KRTAP5-7: variants seen among roughly 807,000 people sequenced by gnomAD.
KRTAP5-7 encodes keratin-associated protein 5-7.
Under a neutral mutation model 2.4 loss-of-function variants are expected in KRTAP5-7, and 1 was observed. The observed-to-expected ratio is 0.42, with a 90% CI of 0.15 to 2.01. The LOEUF (loss-of-function observed/expected upper bound fraction) is 2.01, where lower values mean the gene tolerates loss of function less well. Ranked by LOEUF, KRTAP5-7 falls within the 30% of genes most tolerant of loss-of-function variation. The pLI, the probability that KRTAP5-7 is intolerant of heterozygous loss-of-function variation, is 0.29. For missense variants in KRTAP5-7, 161 were observed against 200.8 expected (o/e 0.80, Z 1.20); for synonymous variants, 55 against 80.8 (o/e 0.68, Z 1.71).
At position 71,527,563 on chromosome 11, in the gene KRTAP5-7, G is replaced by T. The variant is rs770409796; in HGVS notation, c.263G>T (p.Gly88Val). The change falls in exon 1 of 1, where the codon GGT becomes GTT. Residue 88 changes from glycine to valine, a missense_variant. Transcript: ENST00000398536. ...GSCGGSKGGC[G>V]SCGCSQCSCY... ...TGTGGGGGTTCTAAGGGGGGCTGTG[G>T]TTCTTGTGGCTGCTCCCAGTGCAGC... 8 of 1,613,462 alleles carry T rather than the reference G, an allele frequency of 5.0e-6. No individual in the cohort carries two copies. Among genetic ancestry groups the T allele is most frequent in the African/African-American group, 2.7e-5 (2 of 74,722 alleles).
At position 71,527,348 on chromosome 11, in the gene KRTAP5-7, C is replaced by T. The variant is rs746401694; in HGVS notation, c.48C>T (p.Gly16=). 5.6e-6 allele frequency: 9 copies of T among 1,612,394 alleles called. No individual in the cohort carries two copies. Among genetic ancestry groups the T allele is most frequent in the Non-Finnish European group, 6.8e-6 (8 of 1,179,506 alleles). ...AAGGCTGTGGCTCCGGCTGTGGGGG[C>T]TGTGGCTCCGGCTGTGGGGGCTGTG... ...CSEGCGSGCG[G]CGSGCGGCGS... The change falls in exon 1 of 1, where the codon GGC becomes GGT. Residue 16 remains glycine (G), a synonymous_variant. Transcript: ENST00000398536.
Position 71,527,870 on chromosome 11 carries a change from T to C in KRTAP5-7, c.*72T>C. 6.2e-7 allele frequency: 1 copy of C among 1,605,204 alleles called. No homozygotes were observed. Among genetic ancestry groups the C allele is most frequent in the South Asian group, 1.1e-5 (1 of 89,390 alleles). ...GAAGCTGTGACCTGTCCTTCATCGT[T>C]GAGCCCCAAACCACTGCTCAGGGTC... On this transcript the variant is annotated 3_prime_UTR_variant, in exon 1 of 1. Coordinates refer to ENST00000398536, the MANE Select transcript of KRTAP5-7 (RefSeq NM_001012503.2).
chr11:71,527,863 T>G lies in KRTAP5-7; in HGVS notation c.*65T>G, dbSNP rs1445109656. The G allele has an allele frequency of 1.2e-6, 2 of 1,607,506 alleles. No individual in the cohort carries two copies. The highest frequency in any genetic ancestry group is 2.7e-5 in the African/African-American group (2 of 74,860). Reference sequence around the variant, plus strand: ...ATTTTCCGAAGCTGTGACCTGTCCTTCATCGTTGAGCCCCAAACCACTGCT... The same window carrying G: ...ATTTTCCGAAGCTGTGACCTGTCCTGCATCGTTGAGCCCCAAACCACTGCT... On this transcript the variant is annotated 3_prime_UTR_variant, in exon 1 of 1. Coordinates refer to ENST00000398536, the MANE Select transcript of KRTAP5-7 (RefSeq NM_001012503.2).
rs574518332 is a variant in KRTAP5-7 at position 71,527,455 on chromosome 11, G to A, written c.155G>A (p.Cys52Tyr). The change falls in exon 1 of 1, where the codon TGT (cysteine) becomes TAT (tyrosine). Residue 52 changes from cysteine to tyrosine, a missense_variant. Transcript: ENST00000398536. ...CKPVCCCVPA[C>Y]SCSSCGSCGG... Reference sequence around the variant, plus strand: ...CCCGTGTGCTGCTGTGTGCCAGCCTGTTCCTGCTCCAGCTGTGGCTCCTGT... The same window carrying A: ...CCCGTGTGCTGCTGTGTGCCAGCCTATTCCTGCTCCAGCTGTGGCTCCTGT... 1.3e-5 allele frequency: 21 copies of A among 1,612,240 alleles called. No individual in the cohort carries two copies. The South Asian group carries it at 1.4e-4, about 11-fold the overall frequency.
At position 71,527,368 on chromosome 11, in the gene KRTAP5-7, G is replaced by C. The variant is rs569361346; in HGVS notation, c.68G>C (p.Gly23Ala). ...GGGGGCTGTGGCTCCGGCTGTGGGG[G>C]CTGTGGCTCTGGCTGTGGGGGATGT... Reference protein sequence around the residue: ...GCGGCGSGCGGCGSGCGGCGS... With the variant: ...GCGGCGSGCGACGSGCGGCGS... Residue 23 changes from glycine to alanine, a missense_variant, in exon 1 of 1, where the codon GGC becomes GCC. By Grantham distance (60) the Gly-to-Ala change is moderately conservative. This residue lies in a region of KRTAP5-7 where 116 missense variants were observed against 113.7 expected (regional missense o/e 1.02). Transcript: ENST00000398536. 2.5e-5 allele frequency: 41 copies of C among 1,611,714 alleles called. No homozygotes were observed. The East Asian group carries it at 9.2e-4, about 36-fold the overall frequency.
In KRTAP5-7 at chr11:71,527,388, G is replaced by C. The variant is rs751838090; in HGVS notation, c.88G>C (p.Gly30Arg). The C allele has an allele frequency of 1.2e-6, 2 of 1,611,742 alleles. No individual in the cohort carries two copies. The highest frequency in any genetic ancestry group is 1.8e-4 in the Middle Eastern group (1 of 5,442). Residue 30 changes from glycine to arginine, a missense_variant, in exon 1 of 1, where the codon GGA becomes CGA. Physicochemically the swap from Gly to Arg is moderately radical, Grantham distance 125. Transcript: ENST00000398536. ...GCGGCGSGCGGCGSSCCVPVC... is the reference protein window; with the variant it reads ...GCGGCGSGCGRCGSSCCVPVC... The stretch of plus-strand genomic sequence containing the variant: ...TGGGGGCTGTGGCTCTGGCTGTGGG[G>C]GATGTGGCTCCAGCTGCTGTGTGCC...
chr11:71,528,009 C>CAGTTGACTT lies in KRTAP5-7; in HGVS notation c.*211_*212insAGTTGACTT. ...TCTCTTCCCAAGTCAACTGCAACTGCGGCTGAATCACCCCTCACCCGCTAG... is the reference window on the plus strand; with the variant it reads ...TCTCTTCCCAAGTCAACTGCAACTGCAGTTGACTTGGCTGAATCACCCCTCACCCGCTAG... On this transcript the variant is annotated 3_prime_UTR_variant, in exon 1 of 1. Coordinates refer to ENST00000398536, the MANE Select transcript of KRTAP5-7 (RefSeq NM_001012503.2). 2 of 977,080 alleles carry CAGTTGACTT rather than the reference C, an allele frequency of 2.0e-6. No individual in the cohort carries two copies. Among genetic ancestry groups the CAGTTGACTT allele is most frequent in the Non-Finnish European group, 3.0e-6 (2 of 665,592 alleles). 60.5% of individuals were successfully genotyped at this position (977,080 alleles called of 1,614,324 possible).
Position 71,527,317 on chromosome 11 carries a change from G to A in KRTAP5-7, c.17G>A (p.Cys6Tyr), listed in dbSNP as rs750448695. Residue 6 changes from cysteine to tyrosine, a missense_variant, in exon 1 of 1, where the codon TGT becomes TAT. This residue lies in a region of KRTAP5-7 where 116 missense variants were observed against 113.7 expected (regional missense o/e 1.02). Coordinates refer to ENST00000398536, the MANE Select transcript of KRTAP5-7 (RefSeq NM_001012503.2). Reference sequence around the variant, plus strand: ...ACCAGAACCATGGGCTGCTGTGGCTGTTCCGAAGGCTGTGGCTCCGGCTGT... The same window carrying A: ...ACCAGAACCATGGGCTGCTGTGGCTATTCCGAAGGCTGTGGCTCCGGCTGT... MGCCG[C>Y]SEGCGSGCGG... 1 of 1,613,496 alleles carries A rather than the reference G, an allele frequency of 6.2e-7. No individual in the cohort carries two copies. The highest frequency in any genetic ancestry group is 8.5e-7 in the Non-Finnish European group (1 of 1,180,038).
Position 71,527,981 on chromosome 11 carries a change from A to C in KRTAP5-7, c.*183A>C, listed in dbSNP as rs1400336544. The C allele has an allele frequency of 5.0e-5, 60 of 1,200,180 alleles. No homozygotes were observed. Among genetic ancestry groups the C allele is most frequent in the Non-Finnish European group, 7.0e-5 (60 of 860,182 alleles). The allele number at this position is 1,200,180 out of a possible 1,614,324, so 74.3% of individuals were successfully genotyped here. Reference sequence around the variant, plus strand: ...AATTAATGTCCATTCCCTCCTAACAAATTCTCTTCCCAAGTCAACTGCAAC... The same window carrying C: ...AATTAATGTCCATTCCCTCCTAACACATTCTCTTCCCAAGTCAACTGCAAC... On this transcript the variant is annotated 3_prime_UTR_variant, in exon 1 of 1. Coordinates refer to ENST00000398536, the MANE Select transcript of KRTAP5-7 (RefSeq NM_001012503.2).
Position 71,527,293 on chromosome 11 carries a change from C to G in KRTAP5-7, c.-8C>G. ...CTCTACCTGCTCCACCCTCAATCCA[C>G]CAGAACCATGGGCTGCTGTGGCTGT... On this transcript the variant is annotated 5_prime_UTR_variant, in exon 1 of 1. Coordinates refer to ENST00000398536, the MANE Select transcript of KRTAP5-7 (RefSeq NM_001012503.2). 1 of 1,613,464 alleles carries G rather than the reference C, an allele frequency of 6.2e-7. No individual in the cohort carries two copies. Among genetic ancestry groups the G allele is most frequent in the Non-Finnish European group, 8.5e-7 (1 of 1,180,046 alleles).
chr11:71,527,290 C>A lies in KRTAP5-7; in HGVS notation c.-11C>A, dbSNP rs1407075761. 6.2e-7 allele frequency: 1 copy of A among 1,613,314 alleles called. No individual in the cohort carries two copies. The highest frequency in any genetic ancestry group is 8.5e-7 in the Non-Finnish European group (1 of 1,180,038). The stretch of plus-strand genomic sequence containing the variant: ...CTCCTCTACCTGCTCCACCCTCAAT[C>A]CACCAGAACCATGGGCTGCTGTGGC... On this transcript the variant is annotated 5_prime_UTR_variant, in exon 1 of 1. Coordinates refer to ENST00000398536, the MANE Select transcript of KRTAP5-7 (RefSeq NM_001012503.2).
In KRTAP5-7 at chr11:71,527,821, T is replaced by G. The variant is rs775736805; in HGVS notation, c.*23T>G. 6.2e-7 allele frequency: 1 copy of G among 1,614,066 alleles called. No individual in the cohort carries two copies. The highest frequency in any genetic ancestry group is 1.1e-5 in the South Asian group (1 of 91,076). ...TGAGGCTCTGGACTCAGGTCTCATG[T>G]GAGTCCTGCTAACCCCATTTTCCGA... is the stretch of plus-strand genomic sequence containing the variant. On this transcript the variant is annotated 3_prime_UTR_variant, in exon 1 of 1. Transcript: ENST00000398536.
rs1335470506 is a variant in KRTAP5-7, at chr11:71,527,976, T to A, written c.*178T>A. 14 of 1,221,982 alleles carry A rather than the reference T, an allele frequency of 1.1e-5. No individual in the cohort carries two copies. The East Asian group carries it at 2.4e-4, about 21-fold the overall frequency. 75.7% of individuals were successfully genotyped at this position (1,221,982 alleles called of 1,614,324 possible). A position where few individuals can be genotyped will look rare whatever the true frequency, so the allele number is the denominator to read the frequency against. ...ACCCTAATTAATGTCCATTCCCTCC[T>A]AACAAATTCTCTTCCCAAGTCAACT... On this transcript the variant is annotated 3_prime_UTR_variant, in exon 1 of 1. Coordinates refer to ENST00000398536, the MANE Select transcript of KRTAP5-7 (RefSeq NM_001012503.2).
rs954317558 is a variant in KRTAP5-7 at position 71,527,908 on chromosome 11, T to A, written c.*110T>A. 5.9e-5 allele frequency: 92 copies of A among 1,566,526 alleles called. No homozygotes were observed. The highest frequency in any genetic ancestry group is 7.6e-5 in the Non-Finnish European group (88 of 1,150,728). ...ACTGCTCAGGGTCCATTCCTCACTA[T>A]AAGATGAAGCCATATCTGCCTGCCT... On this transcript the variant is annotated 3_prime_UTR_variant, in exon 1 of 1. Coordinates refer to ENST00000398536, the MANE Select transcript of KRTAP5-7 (RefSeq NM_001012503.2).
rs2120598505 is a variant in KRTAP5-7 at position 71,527,918 on chromosome 11, C to G, written c.*120C>G. 2.0e-6 allele frequency: 3 copies of G among 1,536,230 alleles called. No homozygotes were observed. The highest frequency in any genetic ancestry group is 2.5e-5 in the South Asian group (2 of 81,402). On this transcript the variant is annotated 3_prime_UTR_variant, in exon 1 of 1. Coordinates refer to ENST00000398536, the MANE Select transcript of KRTAP5-7 (RefSeq NM_001012503.2). The stretch of plus-strand genomic sequence containing the variant: ...GTCCATTCCTCACTATAAGATGAAG[C>G]CATATCTGCCTGCCTTTTCCTAAGG...
rs1950005198 is a variant in KRTAP5-7 at position 71,528,250 on chromosome 11, C to T, written c.*452C>T. On this transcript the variant is annotated 3_prime_UTR_variant, in exon 1 of 1. Coordinates refer to ENST00000398536, the MANE Select transcript of KRTAP5-7 (RefSeq NM_001012503.2). ...AATACCATGCCGACAAACTGAAACA[C>T]ATATCTTGCTGATTTCTCTGTTGTT... is the stretch of plus-strand genomic sequence containing the variant. 1 of 249,606 alleles carries T rather than the reference C, an allele frequency of 4.0e-6. No individual in the cohort carries two copies. The highest frequency in any genetic ancestry group is 2.2e-5 in the African/African-American group (1 of 44,556). 15.5% of individuals were successfully genotyped at this position (249,606 alleles called of 1,614,324 possible).
chr11:71,528,145 C>T lies in KRTAP5-7; in HGVS notation c.*347C>T, dbSNP rs543345856. The T allele has an allele frequency of 7.4e-5, 30 of 404,994 alleles. 2 individuals carry two copies. The South Asian group carries it at 9.3e-4, about 13-fold the overall frequency. 25.1% of individuals were successfully genotyped at this position (404,994 alleles called of 1,614,324 possible). A position where few individuals can be genotyped will look rare whatever the true frequency, so the allele number is the denominator to read the frequency against. ...AGTGTCCCACCTGCAACAAGGTGGG[C>T]GTTTAAGAGGCTTCCTTGGAGTGGC... On this transcript the variant is annotated 3_prime_UTR_variant, in exon 1 of 1. Coordinates refer to ENST00000398536, the MANE Select transcript of KRTAP5-7 (RefSeq NM_001012503.2).
chr11:71,527,386 G>C lies in KRTAP5-7; in HGVS notation c.86G>C (p.Gly29Ala). ...SGCGGCGSGCGGCGSSCCVPV... is the reference protein window; with the variant it reads ...SGCGGCGSGCAGCGSSCCVPV... The stretch of plus-strand genomic sequence containing the variant: ...TGTGGGGGCTGTGGCTCTGGCTGTG[G>C]GGGATGTGGCTCCAGCTGCTGTGTG... The change falls in exon 1 of 1, where the codon GGG becomes GCG. Residue 29 changes from glycine to alanine, a missense_variant. Physicochemically the swap from Gly to Ala is moderately conservative, Grantham distance 60. Transcript: ENST00000398536. 6.2e-7 allele frequency: 1 copy of C among 1,612,044 alleles called. No homozygotes were observed. Among genetic ancestry groups the C allele is most frequent in the Non-Finnish European group, 8.5e-7 (1 of 1,179,418 alleles).
chr11:71,528,016 A>G lies in KRTAP5-7; in HGVS notation c.*218A>G. ...CCAAGTCAACTGCAACTGCGGCTGA[A>G]TCACCCCTCACCCGCTAGCCTTGCC... is the stretch of plus-strand genomic sequence containing the variant. On this transcript the variant is annotated 3_prime_UTR_variant, in exon 1 of 1. Coordinates refer to ENST00000398536, the MANE Select transcript of KRTAP5-7 (RefSeq NM_001012503.2). 1.1e-6 allele frequency: 1 copy of G among 915,100 alleles called. No homozygotes were observed. The highest frequency in any genetic ancestry group is 1.6e-6 in the Non-Finnish European group (1 of 609,970). The allele number at this position is 915,100 out of a possible 1,614,324, so 56.7% of individuals were successfully genotyped here. A position where few individuals can be genotyped will look rare whatever the true frequency, so the allele number is the denominator to read the frequency against.
Sources: gnomAD v4.1 joint callset for allele counts on GRCh38, gnomAD v4.1.1 for gene constraint, gnomAD v4.1.1 regional missense constraint, MANE v1.5 for transcripts, NCBI Gene and HGNC (gene_info 2026-07-23, HGNC 2026-07-21) for gene names.